Variants in BTBD1 observed in about 807,000 individuals in gnomAD.
BTBD1 encodes the protein BTB/POZ domain-containing protein 1.
BTBD1 carries 34 observed loss-of-function variants against 48.0 expected under a neutral mutation model. That is an observed-to-expected ratio of 0.71 (90% CI 0.54 to 0.94). The LOEUF is 0.94. BTBD1 is among the 40% of genes least tolerant of loss of function. BTBD1 has a pLI of 0.00. For synonymous variants in BTBD1, 261 were observed against 242.1 expected, an observed-to-expected ratio of 1.08 and a Z score of -0.72; for missense variants, 543 against 625.6, an observed-to-expected ratio of 0.87 and a Z score of 1.41.
chr15:83,039,186 GAAAA>G (rs997410932), intron 4 of BTBD1, among the ~76,000 whole-genome samples: 2 of 143,774 alleles, frequency 1.4e-5, no homozygotes, highest in Non-Finnish European at 3.1e-5. Flanking sequence ...AATTCAATAA[GAAAA>G]AAAAAACTCA....
At chr15:83,044,470 T>C in intron 3 of BTBD1, 1 of 1,576,800 alleles carries the variant, frequency 6.3e-7, no homozygotes, top group South Asian at 1.1e-5. Flanking sequence ...TTGCGAAAAA[T>C]GGACGCAATG....
chr15:83,058,915 C>T (rs572875154), intron 1 of BTBD1, among the ~76,000 whole-genome samples: 2 of 152,140 alleles, frequency 1.3e-5, no homozygotes, highest in African/African-American at 2.4e-5. Context: ...ATTAAAAGGA[C>T]GGTGGGAAGT....
At chr15:83,052,676 G>T (rs2033010903) in intron 2 of BTBD1, among the ~76,000 whole-genome samples, 2 of 149,796 alleles carry the variant, frequency 1.3e-5, no homozygotes, top group Admixed American at 1.3e-4. Flanking sequence ...TGTCGCCCAG[G>T]CTGGAGTGCA....
intron 1 of BTBD1, among the ~76,000 whole-genome samples, chr15:83,066,179 G>C (rs1343868472): frequency 1.3e-5 from 2 of 151,964 alleles, no homozygotes; most frequent in South Asian, 2.1e-4. Flanking sequence ...CGTGCCTGTA[G>C]TCCCAAATAC....
chr15:83,042,618 A>C (rs1323836323), intron 3 of BTBD1, among the ~76,000 whole-genome samples: 6 of 151,968 alleles, frequency 3.9e-5, no homozygotes, highest in African/African-American at 1.4e-4. Flanking sequence ...TTCCGACCTG[A>C]AGTGATCTGC....
intron 5 of BTBD1, among the ~76,000 whole-genome samples, chr15:83,025,441 T>C (rs1002861248): frequency 4.0e-5 from 6 of 150,560 alleles, no homozygotes; most frequent in African/African-American, 1.5e-4. Flanking sequence ...AAAGAAATTC[T>C]CTAACATACA....
intron 2 of BTBD1, among the ~76,000 whole-genome samples, chr15:83,055,661 T>C (rs982125923): frequency 2.6e-5 from 4 of 152,142 alleles, no homozygotes; most frequent in African/African-American, 9.7e-5. Flanking sequence ...CCTCCAGCAG[T>C]AGATCAGCAA....
At chr15:83,059,547 AAACAAC>A (rs376428755) in intron 1 of BTBD1, among the ~76,000 whole-genome samples, 342 of 152,174 alleles carry the variant, frequency 2.2e-3, no homozygotes, top group African/African-American at 7.6e-3. Context: ...TCCGTCTCAA[AAACAAC>A]AACAACAACA....
At chr15:83,029,295 G>A (rs1180617423) in intron 5 of BTBD1, among the ~76,000 whole-genome samples, 1 of 152,104 alleles carries the variant, frequency 6.6e-6, no homozygotes, top group Non-Finnish European at 1.5e-5. Flanking sequence ...TGTGAAAACC[G>A]GCACTGATTC....
intron 1 of BTBD1, among the ~76,000 whole-genome samples, 159 bp from the exon 2 acceptor site, chr15:83,056,704 TATCCATCCATCC>T (rs55788185): frequency 8.9e-6 from 1 of 112,356 alleles, no homozygotes; most frequent in Non-Finnish European, 1.7e-5. Context: ...TCCATTCATC[TATCCATCCATCC>T]ATCCATCCAT....
At chr15:83,025,243 A>C (rs1338834944) in intron 5 of BTBD1, among the ~76,000 whole-genome samples, 1 of 150,374 alleles carries the variant, frequency 6.7e-6, no homozygotes, top group African/African-American at 2.5e-5. Context: ...AATCCCAGCT[A>C]CTCGGGAGGC....
At chr15:83,063,123 T>C (rs1191306049) in intron 1 of BTBD1, among the ~76,000 whole-genome samples, 1 of 152,234 alleles carries the variant, frequency 6.6e-6, no homozygotes, top group Admixed American at 6.5e-5. Context: ...TTTCAGAATA[T>C]AATGCTCCTT....
chr15:83,044,427 T>A, intron 3 of BTBD1: 2 of 1,578,394 alleles, frequency 1.3e-6, no homozygotes, highest in Non-Finnish European at 1.7e-6. Flanking sequence ...AACGCTTTGA[T>A]GAATACATGA....
At position 83,017,946 on chromosome 15, in the gene BTBD1, A is replaced by G. The variant is rs985671461; in HGVS notation, c.*121T>C. 6 of 577,876 alleles carry G rather than the reference A, an allele frequency of 1.0e-5. No homozygotes were observed. In the Admixed American group the frequency reaches 1.9e-4, roughly 18 times the overall value. 35.8% of individuals were successfully genotyped at this position (577,876 alleles called of 1,614,324 possible). ...AGCATTTTTCTATCTGCTCTAAGAAACTGTTTCTTATCTTACAATTTTAAA... is the reference window on the plus strand; with the variant it reads ...AGCATTTTTCTATCTGCTCTAAGAAGCTGTTTCTTATCTTACAATTTTAAA... On this transcript the variant is annotated 3_prime_UTR_variant, in exon 8 of 8. Transcript: ENST00000261721.
Position 83,023,571 on chromosome 15 carries a change from A to G in BTBD1, c.1056-2809T>C, listed in dbSNP as rs1447854384. ...ATTTTTTAAAAATTATTATTTGTAG[A>G]TGCGGGGTCTCACTATGTTGCCAAG... On this transcript the variant is annotated intron_variant, in intron 5 of 7. Coordinates refer to ENST00000261721, the MANE Select transcript of BTBD1 (RefSeq NM_025238.4). Among the ~76,000 whole-genome samples the G allele has an allele frequency of 2.0e-5, 3 of 151,962 alleles. No homozygotes were observed. In the East Asian group the frequency reaches 5.8e-4, roughly 29 times the overall value.
chr15:83,061,611 T>G (rs2033177382), intron 1 of BTBD1: 1 of 152,234 alleles, frequency 6.6e-6, no homozygotes, highest in Non-Finnish European at 1.5e-5. Context: ...CCTGCTTTTG[T>G]GTTCCTCGGA....
At chr15:83,032,986 A>AAAAAAAAAAAAAAAAAAAAC (rs1555439417) in intron 4 of BTBD1, among the ~76,000 whole-genome samples, 1 of 151,370 alleles carries the variant, frequency 6.6e-6, no homozygotes, top group African/African-American at 2.4e-5. Context: ...AAAAAAAAAA[A>AAAAAAAAAAAAAAAAAAAAC]AACAGAATAG....
intron 2 of BTBD1, among the ~76,000 whole-genome samples, chr15:83,052,324 C>T (rs2033003113): frequency 6.6e-6 from 1 of 152,138 alleles, no homozygotes; most frequent in East Asian, 1.9e-4. Context: ...AAGCAATCCA[C>T]CCACCTCGGC....
At chr15:83,037,948 G>A (rs2032662071) in intron 4 of BTBD1, among the ~76,000 whole-genome samples, 1 of 152,128 alleles carries the variant, frequency 6.6e-6, no homozygotes, top group Non-Finnish European at 1.5e-5. Context: ...GCTAGGCACG[G>A]TGGCAGGCAC....
Sources: gnomAD v4.1 joint callset for allele counts (sites outside exome capture counted in the v4.1 genomes callset) on GRCh38, gnomAD v4.1.1 for gene constraint, MANE v1.5 for transcripts, NCBI Gene and HGNC (gene_info 2026-07-23, HGNC 2026-07-21) for gene names.